The following CALN1 variants were observed in gnomAD, a reference collection of about 807,000 sequenced individuals.
The protein encoded by CALN1 is calcium-binding protein 8.
A neutral mutation model predicts 30.6 loss-of-function variants in CALN1; 17 were observed. The observed-to-expected ratio is 0.56, with a 90% CI of 0.38 to 0.83. The LOEUF (loss-of-function observed/expected upper bound fraction) is 0.83, where lower values mean the gene tolerates loss of function less well. Ranked by LOEUF, CALN1 falls within the 40% of genes least tolerant of loss-of-function variation. The pLI is 0.00. For synonymous variants in CALN1, 156 were observed against 131.4 expected (o/e 1.19, Z -1.28); for missense variants, 291 against 354.9 (o/e 0.82, Z 1.45).
chr7:71,990,550 T>G (rs1462334946), intron 5 of CALN1, among the ~76,000 whole-genome samples: 1 of 151,920 alleles, frequency 6.6e-6, no homozygotes, highest in African/African-American at 2.4e-5. Context: ...CCTCCCAGGT[T>G]CAAGCAATTC....
At chr7:72,419,286 T>C (rs1235491310) in intron 1 of CALN1, among the ~76,000 whole-genome samples, 1 of 152,098 alleles carries the variant, frequency 6.6e-6, no homozygotes, top group East Asian at 1.9e-4. Flanking sequence ...TTTAGACCAT[T>C]TTCATCATTC....
the CALN1 span, among the ~76,000 whole-genome samples, chr7:72,493,711 C>T: frequency 1.3e-5 from 2 of 152,148 alleles, no homozygotes. Flanking sequence ...TGTCCTCAAA[C>T]ATTTTGGTTA....
intron 5 of CALN1, among the ~76,000 whole-genome samples, chr7:71,863,024 C>T (rs555248155): frequency 3.2e-5 from 4 of 126,472 alleles, no homozygotes; most frequent in South Asian, 4.5e-4. Context: ...TTTGGGAAGC[C>T]GAAATGAGTG....
intron 2 of CALN1, among the ~76,000 whole-genome samples, chr7:72,391,998 A>G (rs1805611032): frequency 6.6e-6 from 1 of 152,248 alleles, no homozygotes. Flanking sequence ...AGTATGGCAG[A>G]AGCAATAGCT....
intron 2 of CALN1, among the ~76,000 whole-genome samples, chr7:72,291,071 G>A (rs543648276): frequency 6.6e-6 from 1 of 151,858 alleles, no homozygotes; most frequent in South Asian, 2.1e-4. Context: ...TTACAGTTAT[G>A]CACCACCATG....
At chr7:72,021,079 TG>T (rs1273872753) in intron 5 of CALN1, among the ~76,000 whole-genome samples, 12 of 152,080 alleles carry the variant, frequency 7.9e-5, no homozygotes, top group Admixed American at 7.9e-4. Flanking sequence ...GAGACCAGCC[TG>T]GGCAACATAG....
the CALN1 span, among the ~76,000 whole-genome samples, chr7:72,499,906 T>C: frequency 1.8e-5 from 1 of 54,612 alleles, no homozygotes; most frequent in East Asian, 4.8e-4. Context: ...TCTTTCTTTC[T>C]TTCTTTCTAT....
chr7:72,005,715 G>C (rs1429972309), intron 5 of CALN1, among the ~76,000 whole-genome samples: 1 of 150,216 alleles, frequency 6.7e-6, no homozygotes, highest in East Asian at 2.0e-4. Flanking sequence ...AAATTACATA[G>C]TATGTGACTC....
chr7:72,099,060 C>T (rs1256714727), intron 4 of CALN1, among the ~76,000 whole-genome samples: 1 of 152,208 alleles, frequency 6.6e-6, no homozygotes, highest in Non-Finnish European at 1.5e-5. Flanking sequence ...TCCAGCCGGG[C>T]CTCGTGCCGA....
intron 5 of CALN1, among the ~76,000 whole-genome samples, chr7:71,905,759 A>T (rs188631642): frequency 6.6e-6 from 1 of 152,288 alleles, no homozygotes; most frequent in African/African-American, 2.4e-5. Context: ...ATTATAAAAA[A>T]AATCTAGGGT....
intron 3 of CALN1, among the ~76,000 whole-genome samples, chr7:72,176,874 C>A (rs1167644704): frequency 1.3e-5 from 2 of 152,046 alleles, no homozygotes; most frequent in Non-Finnish European, 2.9e-5. Flanking sequence ...TTCTGTTGGC[C>A]CAAGAACACT....
chr7:71,932,832 A>T (rs989321087), intron 5 of CALN1, among the ~76,000 whole-genome samples: 7 of 151,040 alleles, frequency 4.6e-5, no homozygotes, highest in Non-Finnish European at 8.9e-5. Context: ...AAAAAAAAAA[A>T]GAGAAGTGTA....
chr7:71,807,017 T>A (rs931129267), intron 6 of CALN1, among the ~76,000 whole-genome samples: 1 of 152,180 alleles, frequency 6.6e-6, no homozygotes, highest in African/African-American at 2.4e-5. Context: ...AAGGGCATGG[T>A]TGACGTGGCT....
intron 4 of CALN1, among the ~76,000 whole-genome samples, chr7:72,064,838 C>T (rs1803905529): frequency 6.6e-6 from 1 of 151,710 alleles, no homozygotes; most frequent in South Asian, 2.1e-4. Flanking sequence ...ACTTGCATAG[C>T]TTTTATGGAT....
chr7:72,456,002 A>G, the CALN1 span, among the ~76,000 whole-genome samples: 1 of 151,814 alleles, frequency 6.6e-6, no homozygotes, highest in Non-Finnish European at 1.5e-5. Flanking sequence ...CTGGACAACA[A>G]GGTGAAACCC....
intron 4 of CALN1, among the ~76,000 whole-genome samples, chr7:72,058,328 T>TG (rs1354687273): frequency 7.8e-5 from 11 of 141,096 alleles, no homozygotes; most frequent in Middle Eastern, 3.5e-3. Context: ...TTTTTTTTTT[T>TG]TTTTTTTGAG....
At chr7:72,271,195 C>A (rs140967469) in intron 3 of CALN1, among the ~76,000 whole-genome samples, 149 of 152,090 alleles carry the variant, frequency 9.8e-4, no homozygotes, top group African/African-American at 3.5e-3. Context: ...GAGACACCTG[C>A]ACAGGACTAC....
intron 5 of CALN1, among the ~76,000 whole-genome samples, chr7:71,990,614 G>A (rs922801846): frequency 6.6e-5 from 10 of 151,786 alleles, no homozygotes; most frequent in African/African-American, 9.7e-5. Flanking sequence ...CACCACGCCC[G>A]GCTAAGTTTT....
chr7:72,062,577 A>G (rs1225775366), intron 4 of CALN1, among the ~76,000 whole-genome samples: 2 of 151,972 alleles, frequency 1.3e-5, no homozygotes, highest in African/African-American at 2.4e-5. Context: ...AACTTAGAAC[A>G]TAAGAAATGC....
Sources: allele counts gnomAD v4.1 joint callset (sites outside exome capture counted in the v4.1 genomes callset), GRCh38; gene constraint gnomAD v4.1.1; transcripts MANE v1.5; gene names NCBI Gene and HGNC (gene_info 2026-07-23, HGNC 2026-07-21).